Variants in PHACTR1 observed in about 807,000 individuals in gnomAD.
PHACTR1 encodes RPEL repeat containing 1.
PHACTR1 carries 16 observed loss-of-function variants against 69.2 expected under a neutral mutation model. That is an observed-to-expected ratio of 0.23 (90% CI 0.16 to 0.35). PHACTR1 has a LOEUF of 0.35. Among genes scored for constraint, PHACTR1 ranks in the 10% least tolerant of loss-of-function variants. PHACTR1 has a pLI of 1.00. For synonymous variants in PHACTR1, 312 were observed against 284.5 expected, an observed-to-expected ratio of 1.10 and a Z score of -0.97; for missense variants, 510 against 734.7, an observed-to-expected ratio of 0.69 and a Z score of 3.54.
chr6:13,018,746 G>A (rs1257185272), intron 4 of PHACTR1, among the ~76,000 whole-genome samples: 1 of 152,174 alleles, frequency 6.6e-6, no homozygotes, highest in Non-Finnish European at 1.5e-5. Flanking sequence ...GTCAGGAAAA[G>A]CCTCTTTCAG....
intron 4 of PHACTR1, among the ~76,000 whole-genome samples, chr6:12,864,781 G>C (rs535321850): frequency 9.2e-4 from 140 of 152,212 alleles, no homozygotes; most frequent in African/African-American, 3.2e-3. Context: ...GAGATTCAGT[G>C]AAAATCCATG....
At chr6:13,204,835 T>C (rs1765681462) in intron 7 of PHACTR1, among the ~76,000 whole-genome samples, 1 of 152,180 alleles carries the variant, frequency 6.6e-6, no homozygotes, top group Admixed American at 6.5e-5. Flanking sequence ...GAATTAAGGT[T>C]GGCAGCAGTA....
At chr6:13,231,560 A>T (rs573929253) in intron 10 of PHACTR1, among the ~76,000 whole-genome samples, 7 of 152,364 alleles carry the variant, frequency 4.6e-5, no homozygotes, top group Non-Finnish European at 8.8e-5. Flanking sequence ...TTGATTAAGC[A>T]CAAAGCAATC....
rs115360886 is a variant in PHACTR1 at position 12,964,981 on chromosome 6, C to T, written c.251-88384C>T. On this transcript the variant is annotated intron_variant, in intron 4 of 14. Transcript: ENST00000332995. ...CTCTGTCCCGCAGTCCCACTACCCC[C>T]GCCATGCTCAAGTTCCTGATAGAAA... Among the ~76,000 whole-genome samples the T allele has an allele frequency of 3.7e-3, 563 of 152,236 alleles. 5 individuals are homozygous for T. The highest frequency in any genetic ancestry group is 0.013 in the African/African-American group (522 of 41,520).
chr6:13,076,234 A>G (rs115351541), intron 5 of PHACTR1, among the ~76,000 whole-genome samples: 78 of 152,312 alleles, frequency 5.1e-4, no homozygotes, highest in African/African-American at 1.1e-3. Context: ...CTGGCAGCCA[A>G]TAATTACAGG....
At chr6:12,917,445 C>G (rs891971922) in intron 4 of PHACTR1, among the ~76,000 whole-genome samples, 4 of 152,032 alleles carry the variant, frequency 2.6e-5, no homozygotes, top group African/African-American at 4.8e-5. Context: ...TTGGTCAACC[C>G]CAAGTAGAGT....
intron 4 of PHACTR1, among the ~76,000 whole-genome samples, chr6:13,051,138 C>T (rs1202788865): frequency 6.6e-6 from 1 of 152,094 alleles, no homozygotes; most frequent in African/African-American, 2.4e-5. Context: ...ACCCAAAGTA[C>T]TCTTGATCTA....
At chr6:12,989,372 A>G (rs1020242427) in intron 4 of PHACTR1, among the ~76,000 whole-genome samples, 8 of 152,248 alleles carry the variant, frequency 5.3e-5, no homozygotes, top group African/African-American at 1.9e-4. Flanking sequence ...CTGAGGGTAG[A>G]ATGAATAACT....
chr6:12,804,321 T>C (rs1774047054), intron 4 of PHACTR1, among the ~76,000 whole-genome samples: 1 of 152,222 alleles, frequency 6.6e-6, no homozygotes, highest in African/African-American at 2.4e-5. Flanking sequence ...TTATGTTAGA[T>C]GGCTTTTGTC....
chr6:12,922,762 A>T (rs1265262939), intron 4 of PHACTR1, among the ~76,000 whole-genome samples: 2 of 152,178 alleles, frequency 1.3e-5, no homozygotes. Flanking sequence ...CTAGTTGCTT[A>T]CTAATTCACT....
intron 10 of PHACTR1, among the ~76,000 whole-genome samples, chr6:13,254,394 A>G (rs1774899946): frequency 6.6e-6 from 1 of 152,202 alleles, no homozygotes; most frequent in Non-Finnish European, 1.5e-5. Context: ...TAGTTGGAGT[A>G]TTGGGCCCAG....
intron 4 of PHACTR1, among the ~76,000 whole-genome samples, chr6:13,027,968 C>T (rs530937405): frequency 2.6e-5 from 4 of 152,284 alleles, no homozygotes; most frequent in South Asian, 4.1e-4. Flanking sequence ...TGAGCCAACG[C>T]GCCTGGCCTG....
chr6:12,879,650 G>A (rs909675070), intron 4 of PHACTR1, among the ~76,000 whole-genome samples: 3 of 152,102 alleles, frequency 2.0e-5, no homozygotes, highest in Admixed American at 6.5e-5. Context: ...AACACATATT[G>A]AGTATTAAGT....
chr6:13,182,652 G>A lies in PHACTR1; in HGVS notation c.630G>A (p.Glu210=), dbSNP rs749693216. 6.3e-6 allele frequency: 10 copies of A among 1,591,042 alleles called. No individual in the cohort carries two copies. Among genetic ancestry groups the A allele is most frequent in the Non-Finnish European group, 8.6e-6 (10 of 1,169,502 alleles). Residue 210 remains glutamate, a synonymous_variant, in exon 7 of 15, where the codon GAG becomes GAA. Transcript: ENST00000332995. ...TGCCCAGGGATCCCTGCTCATATGA[G>A]GTGCTCCAACCGTCAGACATCATGG... ...VPMPRDPCSY[E]VLQPSDIMDG...
chr6:13,285,913 AAC>A (rs375230169), intron 13 of PHACTR1, among the ~76,000 whole-genome samples: 2 of 152,208 alleles, frequency 1.3e-5, no homozygotes, highest in Non-Finnish European at 2.9e-5. Flanking sequence ...GAGGAAGAAA[AAC>A]ACACTTTGGG....
chr6:13,266,985 T>C (rs1462384413), intron 10 of PHACTR1: 1 of 152,276 alleles, frequency 6.6e-6, no homozygotes, highest in Non-Finnish European at 1.5e-5. Context: ...ATCCCTGAGC[T>C]CTGGGCACAG....
At chr6:12,963,972 G>GA (rs1793095669) in intron 4 of PHACTR1, among the ~76,000 whole-genome samples, 1 of 152,188 alleles carries the variant, frequency 6.6e-6, no homozygotes, top group Admixed American at 6.5e-5. Flanking sequence ...CAGACTTTAA[G>GA]AAAACTAGTT....
At chr6:12,787,841 A>G (rs899635931) in intron 4 of PHACTR1, among the ~76,000 whole-genome samples, 1 of 152,288 alleles carries the variant, frequency 6.6e-6, no homozygotes, top group Non-Finnish European at 1.5e-5. Flanking sequence ...ACTTGGGGCC[A>G]TACCTAACAG....
At chr6:13,193,438 G>A (rs1327909782) in intron 7 of PHACTR1, among the ~76,000 whole-genome samples, 1 of 144,006 alleles carries the variant, frequency 6.9e-6, no homozygotes, top group African/African-American at 2.5e-5. Flanking sequence ...CCAACTTGGA[G>A]TGCAGTGGCA....
Sources: gnomAD v4.1 joint callset for allele counts (sites outside exome capture counted in the v4.1 genomes callset) on GRCh38, gnomAD v4.1.1 for gene constraint, MANE v1.5 for transcripts, NCBI Gene and HGNC (gene_info 2026-07-23, HGNC 2026-07-21) for gene names.